Variants in NME7 observed in about 807,000 individuals in gnomAD.
NME7 encodes the protein NME/NM23 family member 7, also known as nucleoside diphosphate kinase 7.
NME7 carries 41 observed loss-of-function variants against 49.1 expected under a neutral mutation model. That is an observed-to-expected ratio of 0.83 (90% CI 0.65 to 1.08). NME7 has a LOEUF of 1.08. Among genes scored for constraint, NME7 ranks in the 50% least tolerant of loss-of-function variants. The pLI is 0.00. For synonymous variants in NME7, 139 were observed against 150.6 expected, an observed-to-expected ratio of 0.92 and a Z score of 0.56; for missense variants, 423 against 463.4, an observed-to-expected ratio of 0.91 and a Z score of 0.80.
chr1:169,213,951 C>T (rs1488478161), intron 10 of NME7, among the ~76,000 whole-genome samples: 9 of 152,010 alleles, frequency 5.9e-5, no homozygotes, highest in Non-Finnish European at 1.0e-4. Context: ...CTTTGTAATA[C>T]ATATTGATTG....
In NME7 at chr1:169,298,601, T is replaced by C. The variant is rs1650805333; in HGVS notation, c.603A>G (p.Ile201Met). 6.2e-7 allele frequency: 1 copy of C among 1,613,882 alleles called. No homozygotes were observed. The highest frequency in any genetic ancestry group is 8.5e-7 in the Non-Finnish European group (1 of 1,179,914). The change falls in exon 6 of 12, where the codon ATA (isoleucine) becomes ATG (methionine). Residue 201 changes from isoleucine to methionine, a missense_variant. Physicochemically the swap from Ile to Met is conservative, Grantham distance 10. Coordinates refer to ENST00000367811, the MANE Select transcript of NME7 (RefSeq NM_013330.5). ...SIRALFGTDG[I>M]RNAAHGPDSF... ...AATCAGGGCCATGCGCTGCATTTCT[T>C]ATGCCATCTGTTCCAAAGAGGGCTC...
chr1:169,337,422 A>G (rs1652524992), intron 1 of NME7, among the ~76,000 whole-genome samples: 2 of 152,140 alleles, frequency 1.3e-5, no homozygotes, highest in African/African-American at 4.8e-5. Flanking sequence ...CTGGCCCGCA[A>G]GCGCCGCACA....
intron 7 of NME7, among the ~76,000 whole-genome samples, chr1:169,267,169 T>C (rs1328557421): frequency 7.5e-6 from 1 of 133,440 alleles, no homozygotes; most frequent in Non-Finnish European, 1.8e-5. Context: ...CCATTTACAA[T>C]TGCCACAAAA....
chr1:169,275,478 CAAAAAAAAAAAAA>C (rs57449323), intron 7 of NME7, among the ~76,000 whole-genome samples: 4 of 29,874 alleles, frequency 1.3e-4, no homozygotes, highest in Non-Finnish European at 2.0e-4. Context: ...AACTCCGTCT[CAAAAAAAAAAAAA>C]AAAAAAAAAA....
chr1:169,331,018 A>C (rs536079888), intron 1 of NME7, among the ~76,000 whole-genome samples: 1 of 152,298 alleles, frequency 6.6e-6, no homozygotes, highest in African/African-American at 2.4e-5. Context: ...TAAATAAATA[A>C]AACTACAGGT....
At chr1:169,341,544 A>G (rs1652699523) in intron 1 of NME7, among the ~76,000 whole-genome samples, 2 of 152,178 alleles carry the variant, frequency 1.3e-5, no homozygotes, top group African/African-American at 4.8e-5. Context: ...AAGAGGGCCA[A>G]TGTCCTCCAG....
intron 8 of NME7, among the ~76,000 whole-genome samples, chr1:169,237,231 C>T (rs1288686813): frequency 6.6e-6 from 1 of 152,112 alleles, no homozygotes; most frequent in Non-Finnish European, 1.5e-5. Context: ...TGAACTGATT[C>T]TCTTCCTTCA....
chr1:169,327,497 T>C (rs1470631156), intron 1 of NME7, among the ~76,000 whole-genome samples: 3 of 152,192 alleles, frequency 2.0e-5, no homozygotes, highest in Admixed American at 6.5e-5. Context: ...TGACTTGAAC[T>C]GGACAATGTG....
At chr1:169,232,876 T>C (rs1324136896) in intron 9 of NME7, among the ~76,000 whole-genome samples, 1 of 151,440 alleles carries the variant, frequency 6.6e-6, no homozygotes. Flanking sequence ...TTAGTTGCTT[T>C]ATTTTTCTTT....
At chr1:169,239,433 A>T (rs558923795) in intron 7 of NME7, among the ~76,000 whole-genome samples, 1 of 152,112 alleles carries the variant, frequency 6.6e-6, no homozygotes, top group Admixed American at 6.6e-5. Flanking sequence ...TTTGAATCCA[A>T]GTGAATGGAA....
chr1:169,224,264 C>T (rs1333977793), intron 10 of NME7, among the ~76,000 whole-genome samples: 2 of 152,168 alleles, frequency 1.3e-5, no homozygotes, highest in African/African-American at 2.4e-5. Flanking sequence ...TCTGACTCCC[C>T]ATGCCAGGCT....
At chr1:169,161,020 G>C (rs1659228395) in intron 11 of NME7, among the ~76,000 whole-genome samples, 2 of 152,124 alleles carry the variant, frequency 1.3e-5, no homozygotes, top group African/African-American at 2.4e-5. Flanking sequence ...TTCCCTGCCT[G>C]ACCCCAGGGC....
rs1332962609 is a variant in NME7, at chr1:169,260,432, T to G, written c.755-22745A>C. 2.3e-5 allele frequency among the ~76,000 whole-genome samples: 3 copies of G among 132,850 alleles called. 1 individual carries two copies. Among genetic ancestry groups the G allele is most frequent in the Admixed American group, 1.5e-4 (2 of 13,656 alleles). The allele number at this position is 132,850 out of a possible 152,430, so 87.2% of individuals were successfully genotyped here. A position where few individuals can be genotyped will look rare whatever the true frequency, so the allele number is the denominator to read the frequency against. On this transcript the variant is annotated intron_variant, in intron 7 of 11. Coordinates refer to ENST00000367811, the MANE Select transcript of NME7 (RefSeq NM_013330.5). ...GAATGTCAGCATTTATAATCTGCCA[T>G]GTAACTTGAATCATTTTTTCAAGTC...
chr1:169,196,355 C>T (rs1466214830), intron 10 of NME7, among the ~76,000 whole-genome samples: 1 of 152,158 alleles, frequency 6.6e-6, no homozygotes. Context: ...GCTTCCTTCT[C>T]AAAGCACTCC....
Position 169,245,117 on chromosome 1 carries a change from A to C in NME7, c.755-7430T>G, listed in dbSNP as rs115928025. ...GTCCTCCAGCCTGGGTGACAGAACA[A>C]GATTCTGTCTCAGAACAACAACAAC... On this transcript the variant is annotated intron_variant, in intron 7 of 11. Coordinates refer to ENST00000367811, the MANE Select transcript of NME7 (RefSeq NM_013330.5). Among the ~76,000 whole-genome samples the C allele has an allele frequency of 4.3e-3, 659 of 152,348 alleles. 5 individuals are homozygous for C. Among genetic ancestry groups the C allele is most frequent in the African/African-American group, 0.015 (619 of 41,574 alleles).
rs545855584 is a variant in NME7, at chr1:169,188,684, G to T, written c.991-19130C>A. Among the ~76,000 whole-genome samples the T allele has an allele frequency of 3.9e-5, 6 of 152,286 alleles. No individual in the cohort carries two copies. The East Asian group carries it at 9.6e-4, about 24-fold the overall frequency. Reference sequence around the variant, plus strand: ...CTTGACTTAAAGAACAGGTATAGAAGATTGCTTAAGGGAACACAACAAACA... The same window carrying T: ...CTTGACTTAAAGAACAGGTATAGAATATTGCTTAAGGGAACACAACAAACA... On this transcript the variant is annotated intron_variant, in intron 10 of 11. Transcript: ENST00000367811.
chr1:169,156,094 G>A (rs1422190809), intron 11 of NME7, among the ~76,000 whole-genome samples: 1 of 149,042 alleles, frequency 6.7e-6, no homozygotes, highest in African/African-American at 2.5e-5. Flanking sequence ...AAGGTGGGAC[G>A]ATTGCTTGAG....
At chr1:169,310,485 A>G (rs952700821) in intron 3 of NME7, among the ~76,000 whole-genome samples, 2 of 152,216 alleles carry the variant, frequency 1.3e-5, no homozygotes, top group Admixed American at 6.5e-5. Flanking sequence ...TATGTATGCT[A>G]TATAGTCAGT....
intron 1 of NME7, among the ~76,000 whole-genome samples, chr1:169,355,958 A>G (rs1653456420): frequency 6.6e-6 from 1 of 152,160 alleles, no homozygotes; most frequent in African/African-American, 2.4e-5. Context: ...CTCTCAGAAT[A>G]AAAGAGTCCA....
Sources: gnomAD v4.1 joint callset for allele counts (sites outside exome capture counted in the v4.1 genomes callset) on GRCh38, gnomAD v4.1.1 for gene constraint, MANE v1.5 for transcripts, NCBI Gene and HGNC (gene_info 2026-07-23, HGNC 2026-07-21) for gene names.